The following IL1RAP variants were observed in gnomAD, a reference collection of about 807,000 sequenced individuals.
IL1RAP encodes interleukin-1 receptor accessory protein.
Under a neutral mutation model 60.7 loss-of-function variants are expected in IL1RAP, and 35 were observed. The ratio of observed to expected loss-of-function variants is 0.58; its 90% CI spans 0.44 to 0.76. The LOEUF is 0.76. IL1RAP is among the 30% of genes least tolerant of loss of function. The probability of loss-of-function intolerance (pLI) is 0.00; values close to 1 mark genes in which losing one functional copy is unlikely to be tolerated. For missense variants in IL1RAP, 572 were observed against 693.9 expected (o/e 0.82, Z 1.97); for synonymous variants, 268 against 250.9 (o/e 1.07, Z -0.64).
chr3:190,551,533 C>G (rs564905181), intron 1 of IL1RAP, among the ~76,000 whole-genome samples: 24 of 152,236 alleles, frequency 1.6e-4, no homozygotes, highest in South Asian at 1.4e-3. Flanking sequence ...AAAAACAAAA[C>G]AAAGATCAGC....
At chr3:190,543,209 A>G (rs572877391) in intron 1 of IL1RAP, among the ~76,000 whole-genome samples, 1 of 152,172 alleles carries the variant, frequency 6.6e-6, no homozygotes, top group Admixed American at 6.5e-5. Flanking sequence ...TGGAAAAATC[A>G]CCCCCACCCA....
intron 1 of IL1RAP, among the ~76,000 whole-genome samples, chr3:190,550,174 T>A (rs1321030819): frequency 6.6e-6 from 1 of 152,208 alleles, no homozygotes; most frequent in Non-Finnish European, 1.5e-5. Context: ...GTCAGTAGCC[T>A]TGGAGTTCCC....
chr3:190,604,908 G>A lies in IL1RAP; in HGVS notation c.350+495G>A, dbSNP rs367955713. Reference sequence around the variant, plus strand: ...AATATTATTTTACTTTTTGAGTGTGGCAACTGAAATGTCGAAAATTACATA... The same window carrying A: ...AATATTATTTTACTTTTTGAGTGTGACAACTGAAATGTCGAAAATTACATA... On this transcript the variant is annotated intron_variant, in intron 4 of 11. Coordinates refer to ENST00000447382, the MANE Select transcript of IL1RAP (RefSeq NM_002182.4). Among the ~76,000 whole-genome samples the A allele has an allele frequency of 3.3e-5, 5 of 152,188 alleles. No homozygotes were observed. The South Asian group carries it at 6.2e-4, about 19-fold the overall frequency.
intron 1 of IL1RAP, among the ~76,000 whole-genome samples, chr3:190,542,477 T>A (rs1024976567): frequency 1.3e-5 from 2 of 152,286 alleles, no homozygotes; most frequent in South Asian, 4.1e-4. Flanking sequence ...GCACTGTGTA[T>A]AGTGTCAAAG....
intron 1 of IL1RAP, among the ~76,000 whole-genome samples, chr3:190,516,570 C>T (rs552815631): frequency 1.3e-5 from 2 of 152,084 alleles, no homozygotes; most frequent in African/African-American, 4.8e-5. Flanking sequence ...TCACAATAGC[C>T]CTGGGAGGAC....
chr3:190,556,937 A>G (rs918685728), intron 2 of IL1RAP, among the ~76,000 whole-genome samples: 1 of 152,198 alleles, frequency 6.6e-6, no homozygotes, highest in African/African-American at 2.4e-5. Context: ...CCTCTCAACA[A>G]ATGGTGAGGT....
At position 190,604,310 on chromosome 3, in the gene IL1RAP, A is replaced by G; in HGVS notation, c.247A>G (p.Ile83Val). Residue 83 changes from isoleucine (I) to valine (V), a missense_variant, in exon 4 of 12, where the codon ATT (isoleucine) becomes GTT (valine). Ile to Val is a conservative substitution (Grantham distance 29, BLOSUM62 3). Transcript: ENST00000447382. ...GCAGGACCGGGACCTTGAGGAGCCAATTAACTTCCGCCTCCCCGAGAACCG... is the reference window on the plus strand; with the variant it reads ...GCAGGACCGGGACCTTGAGGAGCCAGTTAACTTCCGCCTCCCCGAGAACCG... Reference protein sequence around the residue: ...TRQDRDLEEPINFRLPENRIS... With the variant: ...TRQDRDLEEPVNFRLPENRIS... The G allele has an allele frequency of 1.2e-6, 2 of 1,613,966 alleles. No homozygotes were observed. The highest frequency in any genetic ancestry group is 1.7e-6 in the Non-Finnish European group (2 of 1,179,972).
intron 3 of IL1RAP, among the ~76,000 whole-genome samples, chr3:190,575,632 G>A (rs1160431212): frequency 6.6e-6 from 1 of 152,202 alleles, no homozygotes; most frequent in Non-Finnish European, 1.5e-5. Context: ...AACATGCGAC[G>A]AAGAGGAAGC....
intron 1 of IL1RAP, among the ~76,000 whole-genome samples, chr3:190,545,594 C>G (rs572969708): frequency 4.6e-5 from 7 of 152,286 alleles, no homozygotes; most frequent in African/African-American, 1.7e-4. Context: ...AATAGTGTTG[C>G]AGTGGCTCTC....
chr3:190,570,039 T>C (rs1560177118), intron 3 of IL1RAP, among the ~76,000 whole-genome samples: 1 of 152,206 alleles, frequency 6.6e-6, no homozygotes, highest in Non-Finnish European at 1.5e-5. Context: ...ACTTAAAAAG[T>C]TTCTTTTCTG....
intron 3 of IL1RAP, among the ~76,000 whole-genome samples, chr3:190,600,358 G>A (rs1381212573): frequency 6.6e-6 from 1 of 152,104 alleles, no homozygotes; most frequent in East Asian, 1.9e-4. Context: ...TAGAAGAGTG[G>A]GCTTGGAACA....
intron 1 of IL1RAP, among the ~76,000 whole-genome samples, chr3:190,540,212 T>C (rs1723810292): frequency 6.6e-6 from 1 of 152,032 alleles, no homozygotes; most frequent in African/African-American, 2.4e-5. Context: ...TCGTTACTTG[T>C]TTTTCCCATT....
chr3:190,560,518 T>C (rs904920796), intron 2 of IL1RAP, among the ~76,000 whole-genome samples: 3 of 152,206 alleles, frequency 2.0e-5, no homozygotes, highest in Non-Finnish European at 1.5e-5. Context: ...AGCACCAGGC[T>C]GAAGGCCTAA....
chr3:190,576,775 C>T (rs1414849861), intron 3 of IL1RAP, among the ~76,000 whole-genome samples: 1 of 152,118 alleles, frequency 6.6e-6, no homozygotes, highest in Non-Finnish European at 1.5e-5. Context: ...AGAAAATACT[C>T]GGAGAAATGC....
downstream of IL1RAP, chr3:190,655,767 C>A: frequency 9.0e-6 from 6 of 665,284 alleles, no homozygotes; most frequent in Non-Finnish European, 1.2e-5. Context: ...AATTATTCAG[C>A]ACTGAGATTC....
downstream of IL1RAP, among the ~76,000 whole-genome samples, chr3:190,654,940 C>T (rs774765894): frequency 1.6e-4 from 25 of 152,160 alleles, no homozygotes; most frequent in Non-Finnish European, 3.4e-4. Flanking sequence ...CCATTAGAAT[C>T]GAATGGTTTG....
chr3:190,632,896 T>A (rs980183485), intron 9 of IL1RAP, among the ~76,000 whole-genome samples: 2 of 152,216 alleles, frequency 1.3e-5, no homozygotes, highest in African/African-American at 4.8e-5. Flanking sequence ...AAAAAATTAA[T>A]TCTATGAATA....
intron 1 of IL1RAP, among the ~76,000 whole-genome samples, chr3:190,529,924 G>A (rs1235373753): frequency 2.0e-5 from 3 of 151,960 alleles, no homozygotes; most frequent in African/African-American, 7.3e-5. Context: ...CATCTAGGAG[G>A]TGAGCCAGTG....
At chr3:190,549,120 C>G (rs1724632180) in intron 1 of IL1RAP, among the ~76,000 whole-genome samples, 3 of 152,048 alleles carry the variant, frequency 2.0e-5, no homozygotes, top group African/African-American at 7.3e-5. Context: ...GAAACAGGGA[C>G]TCTCAACAAA....
Sources: allele counts gnomAD v4.1 joint callset (sites outside exome capture counted in the v4.1 genomes callset), GRCh38; gene constraint gnomAD v4.1.1; transcripts MANE v1.5; gene names NCBI Gene and HGNC (gene_info 2026-07-23, HGNC 2026-07-21).